MOBP: variants seen among roughly 807,000 people sequenced by gnomAD.
MOBP encodes the protein myelin associated oligodendrocyte basic protein.
A neutral mutation model predicts 15.0 loss-of-function variants in MOBP; 5 were observed. That is an observed-to-expected ratio of 0.33 (90% CI 0.17 to 0.70). The LOEUF is 0.70. Ranked by LOEUF, MOBP falls within the 30% of genes least tolerant of loss-of-function variation. MOBP has a pLI of 0.67. For synonymous variants in MOBP, 88 were observed against 99.0 expected (o/e 0.89, Z 0.66); for missense variants, 188 against 257.8 (o/e 0.73, Z 1.85).
intron 2 of MOBP, chr3:39,499,794 T>C (rs1335071674): frequency 6.0e-6 from 2 of 331,000 alleles, no homozygotes; most frequent in Non-Finnish European, 1.2e-5. Context: ...GGCTCTATTA[T>C]GTCTTCCAAT....
At chr3:39,513,379 C>T in intron 4 of MOBP, 1 of 1,613,662 alleles carries the variant, frequency 6.2e-7, no homozygotes, top group Non-Finnish European at 8.5e-7. Context: ...TCTTTGTAAA[C>T]CAGATTGAAA....
At chr3:39,519,524 C>G (rs1356823249), downstream of MOBP, among the ~76,000 whole-genome samples, 1 of 89,964 alleles carries the variant, frequency 1.1e-5, no homozygotes, top group Non-Finnish European at 2.3e-5. Context: ...TTTTTTTTTT[C>G]CAATTCTTGT....
intron 2 of MOBP, chr3:39,499,894 T>C: frequency 2.5e-6 from 1 of 401,534 alleles, no homozygotes; most frequent in Non-Finnish European, 5.0e-6. Context: ...GCCCTCATCT[T>C]TGGCCAGATG....
chr3:39,468,466 C>A (rs2042374833), intron 1 of MOBP, among the ~76,000 whole-genome samples: 1 of 152,090 alleles, frequency 6.6e-6, no homozygotes, highest in African/African-American at 2.4e-5. Context: ...CAGGCTGCTG[C>A]CAGGTGTGCG....
intron 4 of MOBP, among the ~76,000 whole-genome samples, chr3:39,510,528 G>C (rs911353738): frequency 6.6e-6 from 1 of 152,036 alleles, no homozygotes; most frequent in Non-Finnish European, 1.5e-5. Flanking sequence ...CACATATTTT[G>C]TTTGGTTTGT....
At chr3:39,468,270 C>T (rs957242242) in intron 1 of MOBP, among the ~76,000 whole-genome samples, 2 of 151,972 alleles carry the variant, frequency 1.3e-5, no homozygotes, top group East Asian at 1.9e-4. Flanking sequence ...AATGGAAAGG[C>T]GCTAATGCTT....
downstream of MOBP, among the ~76,000 whole-genome samples, chr3:39,518,137 A>T (rs998536727): frequency 6.6e-5 from 10 of 152,204 alleles, no homozygotes; most frequent in Non-Finnish European, 1.5e-4. Context: ...GCACTCTCTT[A>T]AGAGTCAATT....
chr3:39,528,964 G>A (rs1484975949), downstream of MOBP: 1 of 152,182 alleles, frequency 6.6e-6, no homozygotes, highest in Non-Finnish European at 1.5e-5. Flanking sequence ...CCTCTGTGCG[G>A]GGCTCTGCAG....
downstream of MOBP, chr3:39,528,249 T>C (rs1052418582): frequency 6.6e-6 from 1 of 152,212 alleles, no homozygotes; most frequent in Non-Finnish European, 1.5e-5. Context: ...CTCTTGGATA[T>C]TTTTGCTGTC....
chr3:39,525,900 A>G (rs1366973567), downstream of MOBP: 1 of 152,284 alleles, frequency 6.6e-6, no homozygotes, highest in East Asian at 1.9e-4. Flanking sequence ...GACTGCATGG[A>G]GTCTTCAGGT....
At chr3:39,482,137 A>G (rs779748103) in intron 2 of MOBP, among the ~76,000 whole-genome samples, 1 of 152,120 alleles carries the variant, frequency 6.6e-6, no homozygotes, top group Admixed American at 6.6e-5. Flanking sequence ...CTTTTTCTCT[A>G]GTAGATACTT....
chr3:39,468,734 ATG>A lies in MOBP; in HGVS notation c.-89+1002_-89+1003del, dbSNP rs781538301. Among the ~76,000 whole-genome samples the A allele has an allele frequency of 3.4e-3, 269 of 78,898 alleles. 27 individuals are homozygous for A. The East Asian group carries it at 0.05, about 15-fold the overall frequency. The allele number at this position is 78,898 out of a possible 152,430, so 51.8% of individuals were successfully genotyped here. A position where few individuals can be genotyped will look rare whatever the true frequency, so the allele number is the denominator to read the frequency against. On this transcript the variant is annotated intron_variant, in intron 1 of 3. Coordinates refer to ENST00000684792, the MANE Select transcript of MOBP (RefSeq NM_001393704.1). ...TGTGTGTGTATATACATATATACAT[ATG>A]TGTGTGTATATATACATATATACAT... is the stretch of plus-strand genomic sequence containing the variant.
chr3:39,469,164 G>GTGTTTGTA (rs1559412233), intron 1 of MOBP, among the ~76,000 whole-genome samples: 1 of 43,020 alleles, frequency 2.3e-5, no homozygotes, highest in African/African-American at 2.3e-4. Flanking sequence ...ATGTGTGTGT[G>GTGTTTGTA]TATACATATA....
Position 39,502,032 on chromosome 3 carries a change from TCTC to T in MOBP, c.-4-28_-4-26del. The stretch of plus-strand genomic sequence containing the variant: ...CTCCCTTTCCTGATGTGCGTTTATG[TCTC>T]CTCCTGTCTCCTTGCATCGGCGATT... On this transcript the variant is annotated intron_variant, in intron 2 of 3. Coordinates refer to ENST00000684792, the MANE Select transcript of MOBP (RefSeq NM_001393704.1). This position sits in a 1 kb window ranked among gnomAD's most constrained non-coding sequence, Gnocchi z 6.3. 1.9e-6 allele frequency: 3 copies of T among 1,578,598 alleles called. No individual in the cohort carries two copies. Among genetic ancestry groups the T allele is most frequent in the Non-Finnish European group, 2.6e-6 (3 of 1,149,348 alleles).
chr3:39,481,976 T>G (rs1253560723), intron 2 of MOBP, among the ~76,000 whole-genome samples: 1 of 152,190 alleles, frequency 6.6e-6, no homozygotes, highest in Admixed American at 6.5e-5. Flanking sequence ...TGGCTTCAAT[T>G]GCTACCTATA....
chr3:39,517,269 C>A (rs896230153), downstream of MOBP, among the ~76,000 whole-genome samples: 1 of 152,126 alleles, frequency 6.6e-6, no homozygotes, highest in Non-Finnish European at 1.5e-5. Flanking sequence ...ATTCACCTTA[C>A]ATCACAGGAT....
intron 1 of MOBP, among the ~76,000 whole-genome samples, chr3:39,475,697 CTT>C (rs1257960648): frequency 6.6e-6 from 1 of 152,048 alleles, no homozygotes; most frequent in African/African-American, 2.4e-5. Flanking sequence ...GCTCAAATAA[CTT>C]TGGTAGGAGC....
chr3:39,487,757 C>T (rs544241602), intron 2 of MOBP, among the ~76,000 whole-genome samples: 11 of 151,884 alleles, frequency 7.2e-5, no homozygotes, highest in East Asian at 5.8e-4. Context: ...CTCCTGACCT[C>T]GTGATCTGCC....
chr3:39,496,687 G>A (rs901494547), intron 2 of MOBP, among the ~76,000 whole-genome samples: 10 of 149,378 alleles, frequency 6.7e-5, no homozygotes, highest in Admixed American at 4.6e-4. Context: ...TTTTGAGACG[G>A]AGTTTCGCTC....
Sources: allele counts gnomAD v4.1 joint callset (sites outside exome capture counted in the v4.1 genomes callset), GRCh38; gene constraint gnomAD v4.1.1; non-coding constraint Gnocchi (gnomAD v3.1); transcripts MANE v1.5; gene names NCBI Gene and HGNC (gene_info 2026-07-23, HGNC 2026-07-21).